The following KIF26B variants were observed in gnomAD, a reference collection of about 807,000 sequenced individuals.
The protein encoded by KIF26B is kinesin-like protein KIF26B.
A neutral mutation model predicts 151.2 loss-of-function variants in KIF26B; 63 were observed. The observed-to-expected ratio is 0.42, with a 90% CI of 0.34 to 0.51. KIF26B has a LOEUF of 0.51. Ranked by LOEUF, KIF26B falls within the 20% of genes least tolerant of loss-of-function variation. KIF26B has a pLI of 0.07. For synonymous variants in KIF26B, 1,357 were observed against 1,262.1 expected, an observed-to-expected ratio of 1.08 and a Z score of -1.59; for missense variants, 2,813 against 2,913.6, an observed-to-expected ratio of 0.97 and a Z score of 0.79.
At chr1:245,668,701 C>CTTTTCTTTTTT (rs1553302543) in intron 10 of KIF26B, among the ~76,000 whole-genome samples, 1 of 151,124 alleles carries the variant, frequency 6.6e-6, no homozygotes, top group African/African-American at 2.5e-5. Flanking sequence ...CTTTTCTTTT[C>CTTTTCTTTTTT]TTTTTTTGAG....
intron 3 of KIF26B, among the ~76,000 whole-genome samples, chr1:245,384,371 G>A (rs1348043354): frequency 6.6e-6 from 1 of 152,178 alleles, no homozygotes. Flanking sequence ...GTGTCTTAAT[G>A]CATTCAAGCT....
chr1:245,307,875 G>A (rs1340598253), intron 2 of KIF26B, among the ~76,000 whole-genome samples: 1 of 152,012 alleles, frequency 6.6e-6, no homozygotes, highest in Non-Finnish European at 1.5e-5. Context: ...CAAGTAGCTG[G>A]GACTACAGGT....
rs1668401346 is a variant in KIF26B, at chr1:245,155,063, G to A, written c.-362G>A. 2.2e-6 allele frequency: 1 copy of A among 454,350 alleles called. No individual in the cohort carries two copies. Among genetic ancestry groups the A allele is most frequent in the African/African-American group, 2.0e-5 (1 of 49,140 alleles). The allele number at this position is 454,350 out of a possible 1,614,324, so 28.1% of individuals were successfully genotyped here. A position where few individuals can be genotyped will look rare whatever the true frequency, so the allele number is the denominator to read the frequency against. Reference sequence around the variant, plus strand: ...CTCCCACCTTCCCGGCAGCGGCCGCGAGCCCTGATTGTATCCCTCGCTTTC... The same window carrying A: ...CTCCCACCTTCCCGGCAGCGGCCGCAAGCCCTGATTGTATCCCTCGCTTTC... On this transcript the variant is annotated 5_prime_UTR_variant, in exon 1 of 15. Coordinates refer to ENST00000407071, the MANE Select transcript of KIF26B (RefSeq NM_018012.4).
rs542191200 is a variant in KIF26B, at chr1:245,537,129, G to A, written c.1167-3638G>A. ...CTGTCTGCCATGATGGGCAAGGTAG[G>A]TTCACGGATAAGGTAACATTTGAGC... On this transcript the variant is annotated intron_variant, in intron 4 of 14. Transcript: ENST00000407071. 3.9e-5 allele frequency among the ~76,000 whole-genome samples: 6 copies of A among 152,320 alleles called. No homozygotes were observed. The South Asian group carries it at 1.2e-3, about 32-fold the overall frequency.
At chr1:245,539,827 A>G (rs1661569936) in intron 4 of KIF26B, among the ~76,000 whole-genome samples, 1 of 151,900 alleles carries the variant, frequency 6.6e-6, no homozygotes, top group Non-Finnish European at 1.5e-5. Flanking sequence ...TAATTTTTGT[A>G]TTTTTAGTAG....
rs1671314854 is a variant in KIF26B at position 245,295,049 on chromosome 1, T to C, written c.466-71785T>C. Among the ~76,000 whole-genome samples the C allele has an allele frequency of 2.6e-5, 4 of 152,150 alleles. No individual in the cohort carries two copies. In the South Asian group the frequency reaches 8.3e-4, roughly 32 times the overall value. On this transcript the variant is annotated intron_variant, in intron 2 of 14. Transcript: ENST00000407071. ...TTTCTAAAGTACATCCTAGTCTCTT[T>C]CAACTCATGGGGAAAATTGCAGAGA...
At position 245,363,187 on chromosome 1, in the gene KIF26B, G is replaced by T. The variant is rs371025841; in HGVS notation, c.466-3647G>T. On this transcript the variant is annotated intron_variant, in intron 2 of 14. Transcript: ENST00000407071. ...AATTCGAGGCATCTATGGCTCTGAA[G>T]ACTTCTTTTCTCTCTCTCTCTCTTT... 2.7e-4 allele frequency among the ~76,000 whole-genome samples: 41 copies of T among 152,292 alleles called. No individual in the cohort carries two copies. In the South Asian group the frequency reaches 8.3e-3, roughly 31 times the overall value.
At chr1:245,304,378 C>A (rs1287729770) in intron 2 of KIF26B, among the ~76,000 whole-genome samples, 1 of 152,172 alleles carries the variant, frequency 6.6e-6, no homozygotes, top group Non-Finnish European at 1.5e-5. Context: ...CTGCTAATTG[C>A]CTTGCGATTG....
chr1:245,696,784 G>T (rs1273507706), intron 12 of KIF26B, among the ~76,000 whole-genome samples: 2 of 152,188 alleles, frequency 1.3e-5, no homozygotes, highest in African/African-American at 4.8e-5. Flanking sequence ...GATTGTGTAT[G>T]TGTCTACACA....
chr1:245,600,699 G>A (rs373490355), intron 5 of KIF26B, among the ~76,000 whole-genome samples: 7 of 152,054 alleles, frequency 4.6e-5, no homozygotes, highest in African/African-American at 7.2e-5. Context: ...GAGGCTGGGC[G>A]TGGCACCCAT....
At chr1:245,546,224 T>G (rs1661739009) in intron 5 of KIF26B, among the ~76,000 whole-genome samples, 1 of 152,198 alleles carries the variant, frequency 6.6e-6, no homozygotes, top group African/African-American at 2.4e-5. Flanking sequence ...TTTTTTGTTT[T>G]TTGTTTTTTG....
intron 2 of KIF26B, among the ~76,000 whole-genome samples, chr1:245,254,071 A>C (rs930845801): frequency 6.6e-5 from 10 of 151,972 alleles, no homozygotes; most frequent in Admixed American, 6.5e-5. Flanking sequence ...CGGCCTCCCA[A>C]AGTGCTGGGA....
chr1:245,520,114 T>A (rs1485682306), intron 4 of KIF26B, among the ~76,000 whole-genome samples: 2 of 132,454 alleles, frequency 1.5e-5, no homozygotes, highest in South Asian at 2.6e-4. Context: ...CTCAACTAAC[T>A]GAGAGAGAGA....
intron 4 of KIF26B, among the ~76,000 whole-genome samples, chr1:245,435,237 A>G (rs2103043982): frequency 6.6e-6 from 1 of 152,278 alleles, no homozygotes; most frequent in East Asian, 1.9e-4. Flanking sequence ...TGTGTTAGGC[A>G]CCGAGGAGAG....
At chr1:245,379,682 T>C (rs960704837) in intron 3 of KIF26B, among the ~76,000 whole-genome samples, 2 of 152,064 alleles carry the variant, frequency 1.3e-5, no homozygotes, top group African/African-American at 4.8e-5. Flanking sequence ...AAAATTGAAA[T>C]GTCCTCGGCT....
At chr1:245,210,149 A>C (rs1669487947) in intron 2 of KIF26B, among the ~76,000 whole-genome samples, 1 of 152,210 alleles carries the variant, frequency 6.6e-6, no homozygotes, top group Non-Finnish European at 1.5e-5. Context: ...GGGTGTCTGC[A>C]GCCTCACAGC....
chr1:245,437,581 A>G (rs1018641173), intron 4 of KIF26B, among the ~76,000 whole-genome samples: 16 of 152,102 alleles, frequency 1.1e-4, no homozygotes, highest in African/African-American at 3.9e-4. Context: ...TGGAGCCTAG[A>G]TCATGCTTGG....
intron 2 of KIF26B, among the ~76,000 whole-genome samples, chr1:245,287,172 A>G (rs544599048): frequency 6.6e-5 from 10 of 152,272 alleles, no homozygotes; most frequent in Middle Eastern, 3.4e-3. Flanking sequence ...TATCACATAT[A>G]ACAGGAAATA....
Position 245,597,708 on chromosome 1 carries a change from A to G in KIF26B, c.1351-4869A>G, listed in dbSNP as rs908671905. Among the ~76,000 whole-genome samples, 1 of 152,162 alleles carries G rather than the reference A, an allele frequency of 6.6e-6. No homozygotes were observed. Among genetic ancestry groups the G allele is most frequent in the Non-Finnish European group, 1.5e-5 (1 of 68,042 alleles). On this transcript the variant is annotated intron_variant, in intron 5 of 14. Transcript: ENST00000407071. This position sits in a 1 kb window ranked among gnomAD's most constrained non-coding sequence, Gnocchi z 4.6. The stretch of plus-strand genomic sequence containing the variant: ...TAGTTTGAGGAAATTCTCCTGGATA[A>G]TATCCTGAAGAGTGGTTTCCAACTT...
Sources: gnomAD v4.1 joint callset for allele counts (sites outside exome capture counted in the v4.1 genomes callset) on GRCh38, gnomAD v4.1.1 for gene constraint, Gnocchi (gnomAD v3.1) non-coding constraint, MANE v1.5 for transcripts, NCBI Gene and HGNC (gene_info 2026-07-23, HGNC 2026-07-21) for gene names.